The following DSC2 variants were observed in gnomAD, a reference collection of about 807,000 sequenced individuals.
DSC2 encodes the protein desmocollin-2.
A neutral mutation model predicts 87.6 loss-of-function variants in DSC2; 51 were observed. The observed-to-expected ratio is 0.58, with a 90% CI of 0.46 to 0.74. DSC2 has a LOEUF of 0.74. DSC2 is among the 30% of genes least tolerant of loss of function. The pLI, the probability that DSC2 is intolerant of heterozygous loss-of-function variation, is 0.00. For missense variants in DSC2, 1,066 were observed against 1,089.5 expected (o/e 0.98, Z 0.30); for synonymous variants, 383 against 393.2 (o/e 0.97, Z 0.31).
rs1353007713 is a variant in DSC2, at chr18:31,063,853, G to A, written c.*4162C>T. On this transcript the variant is annotated 3_prime_UTR_variant, in exon 16 of 16. Transcript: ENST00000280904. ...ATGTAACCCCATCATAAGTCAAGAA[G>A]CATCTGTATTTAAAAGTGATTTTGT... The A allele has an allele frequency of 2.6e-5, 4 of 152,158 alleles. No homozygotes were observed. Among genetic ancestry groups the A allele is most frequent in the African/African-American group, 7.2e-5 (3 of 41,436 alleles). The allele number at this position is 152,158 out of a possible 1,614,324, so 9.4% of individuals were successfully genotyped here. A position where few individuals can be genotyped will look rare whatever the true frequency, so the allele number is the denominator to read the frequency against.
chr18:31,101,067 G>C lies in DSC2; in HGVS notation c.69+836C>G, dbSNP rs1413445879. On this transcript the variant is annotated intron_variant, in intron 1 of 15. Transcript: ENST00000280904. ...GCTCTTTAAAGAAAGAAAGAACCTG[G>C]GGCAAGGGGCGGTGGCGCGGGGGGC... 2.6e-5 allele frequency among the ~76,000 whole-genome samples: 4 copies of C among 151,594 alleles called. No homozygotes were observed. In the East Asian group the frequency reaches 5.8e-4, roughly 22 times the overall value.
rs1055149754 is a variant in DSC2, at chr18:31,066,066, T to C, written c.*1949A>G. 7 of 152,196 alleles carry C rather than the reference T, an allele frequency of 4.6e-5. No individual in the cohort carries two copies. Among genetic ancestry groups the C allele is most frequent in the Non-Finnish European group, 1.0e-4 (7 of 68,036 alleles). The allele number at this position is 152,196 out of a possible 1,614,324, so 9.4% of individuals were successfully genotyped here. On this transcript the variant is annotated 3_prime_UTR_variant, in exon 16 of 16. Coordinates refer to ENST00000280904, the MANE Select transcript of DSC2 (RefSeq NM_024422.6). ...GCTTCAAAACTATTTTTTATTCAAGTGACTTACAATGGCCCTAGGAAACAA... is the reference window on the plus strand; with the variant it reads ...GCTTCAAAACTATTTTTTATTCAAGCGACTTACAATGGCCCTAGGAAACAA...
chr18:31,085,735 A>C (rs1195726012), intron 7 of DSC2, among the ~76,000 whole-genome samples: 1 of 151,996 alleles, frequency 6.6e-6, no homozygotes, highest in Non-Finnish European at 1.5e-5. Context: ...TAAGAATCAA[A>C]TAAAATACCT....
chr18:31,101,624 T>C (rs1406879365), intron 1 of DSC2: 2 of 406,860 alleles, frequency 4.9e-6, no homozygotes, highest in African/African-American at 4.2e-5. Flanking sequence ...GGGGCCACGA[T>C]TTTGGCTGGG....
At chr18:31,093,036 T>G (rs939299045) in intron 2 of DSC2, among the ~76,000 whole-genome samples, 1 of 152,326 alleles carries the variant, frequency 6.6e-6, no homozygotes, top group South Asian at 2.1e-4. Flanking sequence ...TTACAAATGA[T>G]AATATACTAC....
intron 7 of DSC2, among the ~76,000 whole-genome samples, chr18:31,084,859 A>G (rs1598585175): frequency 6.6e-6 from 1 of 152,134 alleles, no homozygotes; most frequent in Non-Finnish European, 1.5e-5. Context: ...AACCAATGTG[A>G]TATCAATGGA....
At chr18:31,095,813 T>C (rs1014022697) in intron 1 of DSC2, among the ~76,000 whole-genome samples, 1 of 151,752 alleles carries the variant, frequency 6.6e-6, no homozygotes, top group African/African-American at 2.4e-5. Context: ...GCAGAGGTAA[T>C]AGTGATATCT....
Position 31,082,342 on chromosome 18 carries a change from C to G in DSC2, c.1159G>C (p.Ala387Pro), listed in dbSNP as rs975025307. 1 of 1,613,896 alleles carries G rather than the reference C, an allele frequency of 6.2e-7. No homozygotes were observed. The highest frequency in any genetic ancestry group is 1.3e-5 in the African/African-American group (1 of 75,044). ...ATGGTATAATTAGCTCTCCAGTTAG[C>G]AGTATTCACTAAGTCCTTATCCTCA... ...TVEDKDLVNT[A>P]NWRANYTILK... Residue 387 changes from alanine (A) to proline (P), a missense_variant, in exon 9 of 16, where the codon GCT becomes CCT. Coordinates refer to ENST00000280904, the MANE Select transcript of DSC2 (RefSeq NM_024422.6).
chr18:31,100,018 G>C (rs1205410035), intron 1 of DSC2, among the ~76,000 whole-genome samples: 3 of 152,076 alleles, frequency 2.0e-5, no homozygotes, highest in African/African-American at 7.2e-5. Flanking sequence ...CCACAGGCGC[G>C]CACCCCATGC....
At chr18:31,087,939 T>C (rs1987461083) in intron 5 of DSC2, 126 bp from the exon 6 acceptor site, 3 of 973,924 alleles carry the variant, frequency 3.1e-6, no homozygotes, top group Admixed American at 2.0e-5. Flanking sequence ...CCATTTGTTA[T>C]TGTTCTGGGA....
chr18:31,071,648 C>A lies in DSC2; in HGVS notation c.2082G>T (p.Lys694Asn), dbSNP rs397517397. ...RIGGGGVQLGKWAILAILLGI... is the reference protein window; with the variant it reads ...RIGGGGVQLGNWAILAILLGI... ...CCAACAATATTGCAAGGATGGCCCA[C>A]TTTCCAAGTTGTACTCCTCCACCGC... is the stretch of plus-strand genomic sequence containing the variant. Residue 694 changes from lysine (K) to asparagine (N), a missense_variant, in exon 13 of 16, where the codon AAG becomes AAT. By Grantham distance (94) the Lys-to-Asn change is moderately conservative. Coordinates refer to ENST00000280904, the MANE Select transcript of DSC2 (RefSeq NM_024422.6). 3 of 1,613,956 alleles carry A rather than the reference C, an allele frequency of 1.9e-6. No homozygotes were observed. Among genetic ancestry groups the A allele is most frequent in the Non-Finnish European group, 2.5e-6 (3 of 1,179,996 alleles).
At chr18:31,091,473 C>A in intron 3 of DSC2, 1 of 485,372 alleles carries the variant, frequency 2.1e-6, no homozygotes, top group Non-Finnish European at 4.1e-6. Flanking sequence ...GAGAGATATG[C>A]AAAGAAAATA....
At chr18:31,074,979 T>C (rs1598576305) in intron 11 of DSC2, 72 bp from the exon 12 acceptor site, 2 of 1,438,136 alleles carry the variant, frequency 1.4e-6, no homozygotes, top group Non-Finnish European at 1.9e-6. Flanking sequence ...ACTGAACACA[T>C]TGAAAAATAT....
At chr18:31,090,510 C>T (rs991749986) in intron 4 of DSC2, among the ~76,000 whole-genome samples, 1 of 151,822 alleles carries the variant, frequency 6.6e-6, no homozygotes, top group Non-Finnish European at 1.5e-5. Flanking sequence ...TCATTTCAGC[C>T]TAGGAGTTCA....
At chr18:31,083,541 CT>C (rs145429846) in intron 7 of DSC2, among the ~76,000 whole-genome samples, 36 of 152,058 alleles carry the variant, frequency 2.4e-4, no homozygotes, top group African/African-American at 8.4e-4. Flanking sequence ...AAAGTACATT[CT>C]TATGTTCAAA....
chr18:31,093,289 G>T (rs1036688598), intron 2 of DSC2, among the ~76,000 whole-genome samples: 1 of 151,982 alleles, frequency 6.6e-6, no homozygotes, highest in Non-Finnish European at 1.5e-5. Flanking sequence ...TGATGCTCTC[G>T]CCCTCCCAGA....
rs1986659580 is a variant in DSC2, at chr18:31,067,387, T to C, written c.*628A>G. The C allele has an allele frequency of 6.6e-6, 1 of 152,150 alleles. No individual in the cohort carries two copies. The highest frequency in any genetic ancestry group is 2.4e-5 in the African/African-American group (1 of 41,452). 9.4% of individuals were successfully genotyped at this position (152,150 alleles called of 1,614,324 possible). A position where few individuals can be genotyped will look rare whatever the true frequency, so the allele number is the denominator to read the frequency against. On this transcript the variant is annotated 3_prime_UTR_variant, in exon 16 of 16. Transcript: ENST00000280904. Reference sequence around the variant, plus strand: ...AAGTATTTTAAAACTTAAATTTCACTGGCAAAAGTAGGTAACAGAGGAGAC... The same window carrying C: ...AAGTATTTTAAAACTTAAATTTCACCGGCAAAAGTAGGTAACAGAGGAGAC...
Position 31,082,408 on chromosome 18 carries a change from C to T in DSC2, c.1093G>A (p.Glu365Lys), listed in dbSNP as rs1987254228. Residue 365 changes from glutamate (E) to lysine (K), a missense_variant, in exon 9 of 16, where the codon GAA becomes AAA. Transcript: ENST00000280904. ...FTRTSYVTSVEENTVDVEILR... is the reference protein window; with the variant it reads ...FTRTSYVTSVKENTVDVEILR... ...ATTTCCACATCAACTGTATTTTCTT[C>T]CACTGATGTCACATACTAAAATAAT... The T allele has an allele frequency of 6.2e-7, 1 of 1,613,260 alleles. No individual in the cohort carries two copies. The highest frequency in any genetic ancestry group is 8.5e-7 in the Non-Finnish European group (1 of 1,179,950).
intron 12 of DSC2, among the ~76,000 whole-genome samples, chr18:31,073,502 C>T (rs1263823508): frequency 6.6e-6 from 1 of 152,118 alleles, no homozygotes; most frequent in East Asian, 1.9e-4. Context: ...TATAAGTCTT[C>T]ATCTTTCTTT....
Sources: allele counts gnomAD v4.1 joint callset (sites outside exome capture counted in the v4.1 genomes callset), GRCh38; gene constraint gnomAD v4.1.1; transcripts MANE v1.5; gene names NCBI Gene and HGNC (gene_info 2026-07-23, HGNC 2026-07-21).